The following NMBR variants were observed in gnomAD, a reference collection of about 807,000 sequenced individuals.
NMBR encodes the protein neuromedin B receptor, also known as neuromedin-B receptor.
Under a neutral mutation model 20.5 loss-of-function variants are expected in NMBR, and 16 were observed. That is an observed-to-expected ratio of 0.78 (90% CI 0.53 to 1.19). NMBR has a LOEUF of 1.19. NMBR is among the 50% of genes most tolerant of loss of function. The pLI, the probability that NMBR is intolerant of heterozygous loss-of-function variation, is 0.00. For synonymous variants in NMBR, 212 were observed against 196.6 expected (o/e 1.08, Z -0.65); for missense variants, 582 against 499.1 (o/e 1.17, Z -1.58).
intron 1 of NMBR, among the ~76,000 whole-genome samples, chr6:142,112,819 G>A (rs1246301322): frequency 6.6e-6 from 1 of 152,048 alleles, no homozygotes; most frequent in African/African-American, 2.4e-5. Flanking sequence ...AGCAGTGAAT[G>A]TCATGTCAGA....
chr6:142,134,697 C>G, intron 1 of NMBR: 2 of 695,588 alleles, frequency 2.9e-6, no homozygotes, highest in Admixed American at 4.2e-5. Context: ...CAATAGCATT[C>G]TGGCTTCAGA....
At chr6:142,094,805 C>G (rs980200216) in intron 1 of NMBR, among the ~76,000 whole-genome samples, 3 of 151,930 alleles carry the variant, frequency 2.0e-5, no homozygotes, top group South Asian at 2.1e-4. Flanking sequence ...TCTTCCATTT[C>G]TTTGTATCCT....
At chr6:142,125,564 C>G (rs976933299) in intron 1 of NMBR, among the ~76,000 whole-genome samples, 2 of 151,210 alleles carry the variant, frequency 1.3e-5, no homozygotes, top group African/African-American at 4.9e-5. Flanking sequence ...AAGGGCTACA[C>G]TGTTCTCACA....
At chr6:142,082,894 A>T (rs575115572) in intron 2 of NMBR, among the ~76,000 whole-genome samples, 1 of 152,320 alleles carries the variant, frequency 6.6e-6, no homozygotes, top group South Asian at 2.1e-4. Context: ...CAAGAAAAAC[A>T]TTTGGATGTA....
chr6:142,088,431 G>T lies in NMBR; in HGVS notation c.228C>A (p.Ser76Arg). ...GGTTAGAGATGAAGATGTTGGGGAC[G>T]CTCCTCATGGCGCTGTTGGTGATGA... ...KIFITNSAMR[S>R]VPNIFISNLA... The change falls in exon 2 of 4, where the codon AGC becomes AGA. Residue 76 changes from serine to arginine, a missense_variant. By Grantham distance (110) the Ser-to-Arg change is moderately radical (BLOSUM62 -1). Coordinates refer to ENST00000258042, the MANE Select transcript of NMBR (RefSeq NM_002511.4). The T allele has an allele frequency of 6.2e-7, 1 of 1,614,050 alleles. No homozygotes were observed.
intron 1 of NMBR, among the ~76,000 whole-genome samples, chr6:142,114,648 C>G (rs1456641078): frequency 6.6e-6 from 1 of 151,798 alleles, no homozygotes; most frequent in Non-Finnish European, 1.5e-5. Flanking sequence ...AACATTTCAG[C>G]CAAATATAAA....
chr6:142,074,873 A>G lies in NMBR; in HGVS notation c.*775T>C, dbSNP rs1165430693. 1.3e-5 allele frequency among the ~76,000 whole-genome samples: 2 copies of G among 152,204 alleles called. No homozygotes were observed. The highest frequency in any genetic ancestry group is 3.9e-4 in the East Asian group (2 of 5,186). On this transcript the variant is annotated 3_prime_UTR_variant, in exon 4 of 4. Transcript: ENST00000258042. ...CATATTCATATGATACCTATTTTACATTCATAATATAAATTATATTCATAT... is the reference window on the plus strand; with the variant it reads ...CATATTCATATGATACCTATTTTACGTTCATAATATAAATTATATTCATAT...
chr6:142,103,217 C>T (rs1253170898), intron 1 of NMBR, among the ~76,000 whole-genome samples: 8 of 152,088 alleles, frequency 5.3e-5, no homozygotes, highest in Admixed American at 5.2e-4. Flanking sequence ...TTGATTGTCC[C>T]CAGTCAGTAG....
At chr6:142,081,630 G>A (rs1173827279) in intron 2 of NMBR, among the ~76,000 whole-genome samples, 1 of 152,146 alleles carries the variant, frequency 6.6e-6, no homozygotes, top group African/African-American at 2.4e-5. Flanking sequence ...AATTGTCGAA[G>A]AAAAATGTTG....
chr6:142,111,241 A>C (rs2114589886), intron 1 of NMBR, among the ~76,000 whole-genome samples: 1 of 147,162 alleles, frequency 6.8e-6, no homozygotes, highest in African/African-American at 2.5e-5. Flanking sequence ...CTCCAACTCA[A>C]AAAAAAAAAA....
chr6:142,093,163 T>A (rs576479598), intron 1 of NMBR, among the ~76,000 whole-genome samples: 69 of 152,194 alleles, frequency 4.5e-4, no homozygotes, highest in African/African-American at 7.9e-4. Flanking sequence ...TCTTTTTTTT[T>A]AATTATTCTT....
intron 1 of NMBR, among the ~76,000 whole-genome samples, chr6:142,100,239 T>C (rs1777534837): frequency 6.6e-6 from 1 of 152,192 alleles, no homozygotes; most frequent in Non-Finnish European, 1.5e-5. Context: ...AAAACATATG[T>C]CCACACAAAA....
chr6:142,101,145 T>G (rs891721022), intron 1 of NMBR, among the ~76,000 whole-genome samples: 3 of 152,114 alleles, frequency 2.0e-5, no homozygotes, highest in African/African-American at 7.2e-5. Context: ...ACCAGATTGG[T>G]TATAGATCAG....
At chr6:142,093,585 C>T (rs548145618) in intron 1 of NMBR, among the ~76,000 whole-genome samples, 1 of 152,082 alleles carries the variant, frequency 6.6e-6, no homozygotes, top group Admixed American at 6.5e-5. Context: ...CAAGTCTTTG[C>T]CATTGTGAAT....
chr6:142,115,780 T>G (rs1309558656), intron 1 of NMBR, among the ~76,000 whole-genome samples: 1 of 152,088 alleles, frequency 6.6e-6, no homozygotes, highest in Non-Finnish European at 1.5e-5. Flanking sequence ...CTAAAATGTT[T>G]TGGAATTTGA....
At chr6:142,116,436 A>G (rs1777857218) in intron 1 of NMBR, among the ~76,000 whole-genome samples, 1 of 151,994 alleles carries the variant, frequency 6.6e-6, no homozygotes, top group Non-Finnish European at 1.5e-5. Flanking sequence ...CTATTTTCAG[A>G]GACTTTTAGG....
At chr6:142,095,212 G>T (rs1226200516) in intron 1 of NMBR, among the ~76,000 whole-genome samples, 1 of 151,982 alleles carries the variant, frequency 6.6e-6, no homozygotes, top group Non-Finnish European at 1.5e-5. Flanking sequence ...GGTGAGAGAG[G>T]GCATCCCTGT....
At chr6:142,128,744 A>G (rs1360026106) in intron 1 of NMBR, among the ~76,000 whole-genome samples, 1 of 151,770 alleles carries the variant, frequency 6.6e-6, no homozygotes, top group Non-Finnish European at 1.5e-5. Context: ...TCTTCTATCT[A>G]TGTTGCTGAA....
intron 1 of NMBR, among the ~76,000 whole-genome samples, chr6:142,099,964 T>C (rs551324525): frequency 6.6e-6 from 1 of 152,226 alleles, no homozygotes; most frequent in South Asian, 2.1e-4. Flanking sequence ...ATATAAAAAG[T>C]TGCTTACATC....
Sources: gnomAD v4.1 joint callset for allele counts (sites outside exome capture counted in the v4.1 genomes callset) on GRCh38, gnomAD v4.1.1 for gene constraint, MANE v1.5 for transcripts, NCBI Gene and HGNC (gene_info 2026-07-23, HGNC 2026-07-21) for gene names.